The following WARS2 variants were observed in gnomAD, a reference collection of about 807,000 sequenced individuals.
WARS2 encodes the protein tryptophanyl tRNA synthetase 2, mitochondrial.
A neutral mutation model predicts 36.5 loss-of-function variants in WARS2; 28 were observed. That is an observed-to-expected ratio of 0.77 (90% confidence interval 0.57 to 1.05). WARS2 has a LOEUF of 1.05. Ranked by LOEUF, WARS2 falls within the 50% of genes least tolerant of loss-of-function variation. The pLI is 0.00. For synonymous variants in WARS2, 174 were observed against 178.4 expected, an observed-to-expected ratio of 0.98 and a Z score of 0.20; for missense variants, 435 against 456.8, an observed-to-expected ratio of 0.95 and a Z score of 0.44.
At chr1:119,056,534 A>G (rs1483655305) in intron 2 of WARS2, among the ~76,000 whole-genome samples, 1 of 126,282 alleles carries the variant, frequency 7.9e-6, no homozygotes, top group South Asian at 2.3e-4. Context: ...GACTAAATAT[A>G]TAATATATAT....
chr1:119,068,310 A>C (rs1328822422), intron 2 of WARS2, among the ~76,000 whole-genome samples: 1 of 152,330 alleles, frequency 6.6e-6, no homozygotes, highest in Middle Eastern at 3.4e-3. Context: ...CCTCTGAGAC[A>C]AGGGACAGTT....
chr1:119,085,027 A>C, intron 1 of WARS2: 1 of 640,080 alleles, frequency 1.6e-6, no homozygotes, highest in South Asian at 1.8e-5. Context: ...CTGGAATTCA[A>C]AGACTCCTGC....
intron 1 of WARS2, chr1:119,085,483 G>A (rs1055896821): frequency 1.9e-5 from 29 of 1,562,292 alleles, no homozygotes; most frequent in South Asian, 7.3e-5. Flanking sequence ...CTTTTTTTGC[G>A]CTTTTTTGTT....
chr1:119,057,570 A>G (rs945137942), intron 2 of WARS2, among the ~76,000 whole-genome samples: 2 of 150,708 alleles, frequency 1.3e-5, no homozygotes, highest in Non-Finnish European at 3.0e-5. Flanking sequence ...CGGGAGGATC[A>G]CTTGAGGTCA....
Position 119,129,007 on chromosome 1 carries a change from T to C in WARS2, c.90+11548A>G, listed in dbSNP as rs79994927. Among the ~76,000 whole-genome samples the C allele has an allele frequency of 5.4e-3, 827 of 152,348 alleles. 7 individuals are homozygous for C. The highest frequency in any genetic ancestry group is 0.01 in the Admixed American group (158 of 15,304). On this transcript the variant is annotated intron_variant, in intron 1 of 5. Coordinates refer to ENST00000235521, the MANE Select transcript of WARS2 (RefSeq NM_015836.4). ...TAGAAATGGTGCAGGAGATGTCATG[T>C]GGATGCTGAAACACTGAAATTTCAA...
rs959670305 is a variant in WARS2 at position 119,031,729 on chromosome 1, G to A, written c.*1182C>T. On this transcript the variant is annotated 3_prime_UTR_variant, in exon 6 of 6. Coordinates refer to ENST00000235521, the MANE Select transcript of WARS2 (RefSeq NM_015836.4). The stretch of plus-strand genomic sequence containing the variant: ...GGTGACATTACTTAACTGAGGTAGA[G>A]GCAAGATGAGAAGCTGTCAGTCATT... 2.0e-4 allele frequency: 31 copies of A among 152,268 alleles called. No individual in the cohort carries two copies. Among genetic ancestry groups the A allele is most frequent in the African/African-American group, 7.2e-4 (30 of 41,456 alleles). 9.4% of individuals were successfully genotyped at this position (152,268 alleles called of 1,614,324 possible). A position where few individuals can be genotyped will look rare whatever the true frequency, so the allele number is the denominator to read the frequency against.
intron 2 of WARS2, among the ~76,000 whole-genome samples, chr1:119,067,047 C>G (rs545764409): frequency 1.2e-4 from 18 of 152,284 alleles, no homozygotes; most frequent in African/African-American, 4.3e-4. Context: ...CAATGGAACA[C>G]TGTACTAGCA....
At chr1:119,139,887 G>C (rs1656815864) in intron 1 of WARS2, 1 of 152,092 alleles carries the variant, frequency 6.6e-6, no homozygotes, top group South Asian at 2.1e-4. Context: ...AAATATTTAA[G>C]ACAATTCCCA....
At position 119,085,247 on chromosome 1, in the gene WARS2, C is replaced by A. The variant is rs587741372; in HGVS notation, c.91-8640G>T. 5.7e-5 allele frequency: 50 copies of A among 874,360 alleles called. No homozygotes were observed. In the South Asian group the frequency reaches 6.5e-4, roughly 11 times the overall value. The allele number at this position is 874,360 out of a possible 1,614,324, so 54.2% of individuals were successfully genotyped here. A position where few individuals can be genotyped will look rare whatever the true frequency, so the allele number is the denominator to read the frequency against. On this transcript the variant is annotated intron_variant, in intron 1 of 5. Coordinates refer to ENST00000235521, the MANE Select transcript of WARS2 (RefSeq NM_015836.4). ...GCTTGGGTTTCCCCTTCTTCAGCTCCCTCTCTCGGTTCTCTGCCCAACCAG... is the reference window on the plus strand; with the variant it reads ...GCTTGGGTTTCCCCTTCTTCAGCTCACTCTCTCGGTTCTCTGCCCAACCAG...
Position 119,140,645 on chromosome 1 carries a change from C to T in WARS2, c.-1G>A, listed in dbSNP as rs1216044566. ...CTTTCCGCATTGAGTGCAGCGCCAT[C>T]TTGAGAAGGGCGGAGCCGTCTTGTT... On this transcript the variant is annotated 5_prime_UTR_variant, in exon 1 of 6. Transcript: ENST00000235521. 6 of 1,611,584 alleles carry T rather than the reference C, an allele frequency of 3.7e-6. No individual in the cohort carries two copies. In the South Asian group the frequency reaches 4.4e-5, roughly 12 times the overall value.
chr1:119,133,046 T>C (rs1158337025), intron 1 of WARS2, among the ~76,000 whole-genome samples: 1 of 152,204 alleles, frequency 6.6e-6, no homozygotes, highest in Non-Finnish European at 1.5e-5. Flanking sequence ...CCATCAACTT[T>C]AGCTCTCACC....
chr1:119,042,727 T>C (rs988683772), intron 3 of WARS2, among the ~76,000 whole-genome samples: 2 of 152,226 alleles, frequency 1.3e-5, no homozygotes, highest in African/African-American at 4.8e-5. Flanking sequence ...TAACATGAGT[T>C]AATATCAAAA....
chr1:119,112,363 A>C (rs587612982), intron 1 of WARS2, among the ~76,000 whole-genome samples: 1 of 152,330 alleles, frequency 6.6e-6, no homozygotes, highest in East Asian at 1.9e-4. Context: ...TGTAGAGCCA[A>C]GAAATTGTTT....
chr1:119,129,726 A>AT (rs1373700227), intron 1 of WARS2, among the ~76,000 whole-genome samples: 1 of 118,560 alleles, frequency 8.4e-6, no homozygotes, highest in Non-Finnish European at 1.8e-5. Flanking sequence ...AAAAATAAAA[A>AT]TAAAAAAAAA....
At chr1:119,115,356 G>T (rs587639177) in intron 1 of WARS2, among the ~76,000 whole-genome samples, 1 of 152,182 alleles carries the variant, frequency 6.6e-6, no homozygotes, top group African/African-American at 2.4e-5. Context: ...TAACCCTTGT[G>T]ATCTATTTTG....
At chr1:119,068,840 CACACACACACACAT>C (rs1451328044) in intron 2 of WARS2, among the ~76,000 whole-genome samples, 1 of 129,826 alleles carries the variant, frequency 7.7e-6, no homozygotes, top group Non-Finnish European at 1.6e-5. Context: ...CTCTCTCTCT[CACACACACACACAT>C]ACACACACAC....
chr1:119,040,792 G>T (rs1407203569), intron 4 of WARS2, among the ~76,000 whole-genome samples: 1 of 152,122 alleles, frequency 6.6e-6, no homozygotes, highest in Non-Finnish European at 1.5e-5. Context: ...CGTTTTACAG[G>T]TGAGAAAGTC....
chr1:119,130,066 A>G (rs1655984312), intron 1 of WARS2, among the ~76,000 whole-genome samples: 1 of 152,150 alleles, frequency 6.6e-6, no homozygotes, highest in South Asian at 2.1e-4. Context: ...TATGCAGGGC[A>G]TACCAAGATC....
At chr1:119,131,457 T>TA (rs1656089179) in intron 1 of WARS2, among the ~76,000 whole-genome samples, 1 of 135,004 alleles carries the variant, frequency 7.4e-6, no homozygotes, top group African/African-American at 3.1e-5. Flanking sequence ...CAAAGTTTTT[T>TA]GTTTTTTGTT....
Sources: allele counts gnomAD v4.1 joint callset (sites outside exome capture counted in the v4.1 genomes callset), GRCh38; gene constraint gnomAD v4.1.1; transcripts MANE v1.5; gene names NCBI Gene and HGNC (gene_info 2026-07-23, HGNC 2026-07-21).